The following SRCIN1 variants were observed in gnomAD, a reference collection of about 807,000 sequenced individuals.
SRCIN1 encodes the protein SRC kinase signaling inhibitor 1.
In SRCIN1, 50 loss-of-function variants were observed where a neutral mutation model predicts 116.2. That is an observed-to-expected ratio of 0.43 (90% confidence interval 0.34 to 0.54). SRCIN1 has a LOEUF of 0.54. Among genes scored for constraint, SRCIN1 ranks in the 20% least tolerant of loss-of-function variants. SRCIN1 has a pLI of 0.02. For missense variants in SRCIN1, 1,446 were observed against 1,672.0 expected (o/e 0.86, Z 2.36); for synonymous variants, 736 against 750.0 (o/e 0.98, Z 0.30).
chr17:38,592,412 A>C (rs1363987449), intron 1 of SRCIN1, among the ~76,000 whole-genome samples: 10 of 152,170 alleles, frequency 6.6e-5, no homozygotes, highest in African/African-American at 2.4e-4. Flanking sequence ...GTCACCAGCC[A>C]CACAAGTGCT....
chr17:38,543,903 G>T lies in SRCIN1; in HGVS notation c.3337C>A (p.Gln1113Lys). 1 of 1,605,888 alleles carries T rather than the reference G, an allele frequency of 6.2e-7. No individual in the cohort carries two copies. ...TTGTCGGGGCTGCCCGCCTGGCCCT[G>T]GGCCGCCTTCAGCCGAGAGGCCCCC... is the stretch of plus-strand genomic sequence containing the variant. ...TPGASRLKAA[Q>K]GQAGSPDKSK... is the part of the protein sequence containing the mutation. Residue 1113 changes from glutamine (Q) to lysine (K), a missense_variant, in exon 18 of 19, where the codon CAG (glutamine) becomes AAG (lysine). Physicochemically the swap from Gln to Lys is moderately conservative, Grantham distance 53 (BLOSUM62 1). Around this residue, in one of 5 missense-constraint regions of SRCIN1, gnomAD observed 531 missense variants for 633.9 expected, o/e 0.84. Coordinates refer to ENST00000617146, the MANE Select transcript of SRCIN1 (RefSeq NM_025248.3).
rs752132979 is a variant in SRCIN1, at chr17:38,552,565, G to T, written c.2362C>A (p.Arg788=). 7 of 1,610,332 alleles carry T rather than the reference G, an allele frequency of 4.3e-6. No homozygotes were observed. In the South Asian group the frequency reaches 6.6e-5, roughly 15 times the overall value. The part of the protein sequence containing the change: ...AHFPGLQSKM[R]VVLRVEVEAV... ...TCCACCTCCACGCGCAGCACCACCC[G>T]CATCTTGCTCTGCAGGCCCGGGAAG... The change falls in exon 13 of 19, where the codon CGG becomes AGG. Residue 788 remains arginine, a synonymous_variant. Coordinates refer to ENST00000617146, the MANE Select transcript of SRCIN1 (RefSeq NM_025248.3). The surrounding 1 kb of genome is among the most constrained non-coding windows in gnomAD (Gnocchi z 5.3).
At position 38,564,318 on chromosome 17, in the gene SRCIN1, A is replaced by G. The variant is rs370147664; in HGVS notation, c.346-5T>C. On this transcript the variant is annotated splice_region_variant and splice_polypyrimidine_tract_variant and intron_variant, in intron 3 of 18. Coordinates refer to ENST00000617146, the MANE Select transcript of SRCIN1 (RefSeq NM_025248.3). ...AGTGTGGCGTGAGCTGCGGGTCTGC[A>G]GGGGCCGGGCAGGGTGAGAGGAACC... is the stretch of plus-strand genomic sequence containing the variant. The G allele has an allele frequency of 2.2e-4, 343 of 1,542,300 alleles. 3 individuals carry two copies. The highest frequency in any genetic ancestry group is 2.3e-4 in the Admixed American group (12 of 51,860).
intron 18 of SRCIN1, among the ~76,000 whole-genome samples, chr17:38,537,107 G>A (rs1415496845): frequency 6.6e-6 from 1 of 152,074 alleles, no homozygotes; most frequent in Admixed American, 6.6e-5. Context: ...GAATCAGGGA[G>A]GTGGAGGTTG....
In SRCIN1 at chr17:38,552,107, G is replaced by T. The variant is rs774648084; in HGVS notation, c.2506C>A (p.Pro836Thr). The change falls in exon 14 of 19, where the codon CCC becomes ACC. Residue 836 changes from proline (P) to threonine (T), a missense_variant. This residue lies in a region of SRCIN1 where 531 missense variants were observed against 633.9 expected (regional missense o/e 0.84). Coordinates refer to ENST00000617146, the MANE Select transcript of SRCIN1 (RefSeq NM_025248.3). The surrounding 1 kb of genome is among the most constrained non-coding windows in gnomAD (Gnocchi z 5.3). The part of the protein sequence containing the change: ...RRQVDEGVWP[P>T]PNNLLSQSPK... ...GACTGACTCAGGAGATTGTTGGGGG[G>T]TGGCCACACACCCTCATCCACTTGC... is the stretch of plus-strand genomic sequence containing the variant. The T allele has an allele frequency of 1.2e-6, 2 of 1,612,842 alleles. No individual in the cohort carries two copies. Among genetic ancestry groups the T allele is most frequent in the Non-Finnish European group, 1.7e-6 (2 of 1,179,432 alleles).
chr17:38,552,649 G>A lies in SRCIN1; in HGVS notation c.2333-55C>T. 6.2e-7 allele frequency: 1 copy of A among 1,613,098 alleles called. No homozygotes were observed. The highest frequency in any genetic ancestry group is 8.5e-7 in the Non-Finnish European group (1 of 1,179,794). On this transcript the variant is annotated intron_variant, in intron 12 of 18. Transcript: ENST00000617146. The surrounding 1 kb of genome is among the most constrained non-coding windows in gnomAD (Gnocchi z 5.3). ...CCAGAGGGAGCACCACAGACTGGGA[G>A]GAGAGGATGGTGGCTGGAGTATGGC...
intron 1 of SRCIN1, among the ~76,000 whole-genome samples, chr17:38,581,010 CT>C (rs1314343370): frequency 6.6e-6 from 1 of 151,652 alleles, no homozygotes; most frequent in Non-Finnish European, 1.5e-5. Flanking sequence ...GAATTTCTTC[CT>C]TTTTTTAGAG....
At position 38,563,292 on chromosome 17, in the gene SRCIN1, C is replaced by G; in HGVS notation, c.740+31G>C. 2 of 1,554,950 alleles carry G rather than the reference C, an allele frequency of 1.3e-6. No individual in the cohort carries two copies. The highest frequency in any genetic ancestry group is 1.7e-6 in the Non-Finnish European group (2 of 1,149,068). ...CCTGCAGAGGAGGAGCGTGGGGAAG[C>G]CCACCCAAATCCCCCCCGGTCCACG... On this transcript the variant is annotated intron_variant, in intron 5 of 18. Coordinates refer to ENST00000617146, the MANE Select transcript of SRCIN1 (RefSeq NM_025248.3). The surrounding 1 kb of genome is among the most constrained non-coding windows in gnomAD (Gnocchi z 5.8).
chr17:38,576,333 T>C (rs543048397), intron 2 of SRCIN1, among the ~76,000 whole-genome samples: 164 of 152,208 alleles, frequency 1.1e-3, no homozygotes, highest in Admixed American at 5.4e-3. Context: ...CCAGTCGCGA[T>C]GTCTGTTTCT....
chr17:38,563,013 G>A lies in SRCIN1; in HGVS notation c.741-93C>T. The A allele has an allele frequency of 9.1e-7, 1 of 1,104,128 alleles. No individual in the cohort carries two copies. The allele number at this position is 1,104,128 out of a possible 1,614,324, so 68.4% of individuals were successfully genotyped here. On this transcript the variant is annotated intron_variant, in intron 5 of 18. Transcript: ENST00000617146. The surrounding 1 kb of genome is among the most constrained non-coding windows in gnomAD (Gnocchi z 5.8). ...ACTCCAGGCCTAGAGAAGAGGGGTGGCCAGAGGCACCGGGAGCCCCATCTC... is the reference window on the plus strand; with the variant it reads ...ACTCCAGGCCTAGAGAAGAGGGGTGACCAGAGGCACCGGGAGCCCCATCTC...
chr17:38,565,135 T>A (rs529983438), intron 3 of SRCIN1, among the ~76,000 whole-genome samples: 1 of 152,268 alleles, frequency 6.6e-6, no homozygotes, highest in East Asian at 1.9e-4. Flanking sequence ...ACAGGACAGC[T>A]TGATGGCTCT....
chr17:38,543,987 G>A lies in SRCIN1; in HGVS notation c.3271-18C>T. 1 of 1,568,402 alleles carries A rather than the reference G, an allele frequency of 6.4e-7. No individual in the cohort carries two copies. The highest frequency in any genetic ancestry group is 8.6e-7 in the Non-Finnish European group (1 of 1,163,270). On this transcript the variant is annotated intron_variant, in intron 17 of 18. Transcript: ENST00000617146. ...CCGCCACTCTGCAGGAAGAGGAACA[G>A]GGTTGCAGTTGCAGAGTCCACATGG...
intron 3 of SRCIN1, among the ~76,000 whole-genome samples, chr17:38,564,628 C>T (rs1906560020): frequency 6.6e-6 from 1 of 152,046 alleles, no homozygotes; most frequent in African/African-American, 2.4e-5. Flanking sequence ...CGAAGAACAA[C>T]ACAAATTTGT....
intron 1 of SRCIN1, among the ~76,000 whole-genome samples, chr17:38,587,024 T>G (rs907945300): frequency 2.6e-5 from 4 of 152,010 alleles, no homozygotes; most frequent in Non-Finnish European, 5.9e-5. Flanking sequence ...GGGCATCAGA[T>G]GCTTCCCCAG....
chr17:38,537,511 A>G (rs1297493772), intron 18 of SRCIN1, among the ~76,000 whole-genome samples: 2 of 140,842 alleles, frequency 1.4e-5, no homozygotes, highest in East Asian at 2.1e-4. Flanking sequence ...TAATAATAAG[A>G]CTGGGCTCTG....
At chr17:38,546,097 C>T (rs1905057212) in intron 17 of SRCIN1, among the ~76,000 whole-genome samples, 1 of 152,220 alleles carries the variant, frequency 6.6e-6, no homozygotes, top group Admixed American at 6.5e-5. Context: ...GCATCCCTGG[C>T]CCTGGCCTCG....
chr17:38,555,119 A>C (rs1905700011), intron 11 of SRCIN1, among the ~76,000 whole-genome samples: 2 of 152,168 alleles, frequency 1.3e-5, no homozygotes, highest in Admixed American at 1.3e-4. Context: ...ACTTTAATTA[A>C]CCCTCAAAAC....
Position 38,552,651 on chromosome 17 carries a change from A to G in SRCIN1, c.2333-57T>C, listed in dbSNP as rs1905512552. On this transcript the variant is annotated intron_variant, in intron 12 of 18. Coordinates refer to ENST00000617146, the MANE Select transcript of SRCIN1 (RefSeq NM_025248.3). This position sits in a 1 kb window ranked among gnomAD's most constrained non-coding sequence, Gnocchi z 5.3. ...AGAGGGAGCACCACAGACTGGGAGG[A>G]GAGGATGGTGGCTGGAGTATGGCAG... The G allele has an allele frequency of 1.2e-6, 2 of 1,612,952 alleles. No individual in the cohort carries two copies. Among genetic ancestry groups the G allele is most frequent in the South Asian group, 2.2e-5 (2 of 91,060 alleles).
In SRCIN1 at chr17:38,585,216, A is replaced by G. The variant is rs192388500; in HGVS notation, c.23-6425T>C. 2.6e-5 allele frequency among the ~76,000 whole-genome samples: 4 copies of G among 152,318 alleles called. No homozygotes were observed. The highest frequency in any genetic ancestry group is 9.6e-5 in the African/African-American group (4 of 41,576). ...CTAGGCAGGGCAGCAGGAGAGGAGC[A>G]TGGAGACAGCTGGAAGGGTGGAGGA... On this transcript the variant is annotated intron_variant, in intron 1 of 18. Transcript: ENST00000617146. This position sits in a 1 kb window ranked among gnomAD's most constrained non-coding sequence, Gnocchi z 4.2.
Sources: allele counts gnomAD v4.1 joint callset (sites outside exome capture counted in the v4.1 genomes callset), GRCh38; gene constraint gnomAD v4.1.1; regional missense constraint gnomAD v4.1.1; non-coding constraint Gnocchi (gnomAD v3.1); transcripts MANE v1.5; gene names NCBI Gene and HGNC (gene_info 2026-07-23, HGNC 2026-07-21).